Variants in BABAM2 observed in about 807,000 individuals in gnomAD.
BABAM2 encodes BRISC and BRCA1-A complex member 2.
In BABAM2, 31 loss-of-function variants were observed where a neutral mutation model predicts 54.7. The ratio of observed to expected loss-of-function variants is 0.57; its 90% CI spans 0.43 to 0.77. The LOEUF is 0.77. Ranked by LOEUF, BABAM2 falls within the 30% of genes least tolerant of loss-of-function variation. BABAM2 has a pLI of 0.00. For missense variants in BABAM2, 364 were observed against 455.8 expected, an observed-to-expected ratio of 0.80 and a Z score of 1.83; for synonymous variants, 167 against 162.9, an observed-to-expected ratio of 1.03 and a Z score of -0.19.
chr2:27,964,023 T>C (rs1176164251), intron 3 of BABAM2, among the ~76,000 whole-genome samples: 1 of 152,240 alleles, frequency 6.6e-6, no homozygotes, highest in Non-Finnish European at 1.5e-5. Flanking sequence ...TTGTCTTCAA[T>C]GTAGTGCTGT....
At chr2:28,244,972 G>A (rs1682783265) in intron 10 of BABAM2, 110 bp downstream of exon 10, 7 of 848,004 alleles carry the variant, frequency 8.3e-6, no homozygotes, top group Non-Finnish European at 1.3e-5. Flanking sequence ...TCCTTTTACT[G>A]TAGCGTATAT....
At position 27,992,470 on chromosome 2, in the gene BABAM2, G is replaced by A. The variant is rs552980178; in HGVS notation, c.300+4383G>A. ...TCAATAAATTTTAGGGAGGTAAGAC[G>A]TAGATATCTAAAAGCAAATACAGGT... is the stretch of plus-strand genomic sequence containing the variant. On this transcript the variant is annotated intron_variant, in intron 4 of 11. Transcript: ENST00000379624. Among the ~76,000 whole-genome samples the A allele has an allele frequency of 4.6e-5, 7 of 152,156 alleles. No individual in the cohort carries two copies. The East Asian group carries it at 5.8e-4, about 13-fold the overall frequency.
intron 4 of BABAM2, among the ~76,000 whole-genome samples, chr2:28,004,689 CTT>C (rs139298331): frequency 3.6e-4 from 50 of 140,486 alleles, no homozygotes; most frequent in Non-Finnish European, 3.3e-4. Context: ...TTTAAAGATA[CTT>C]TTTTTTTTTT....
intron 2 of BABAM2, among the ~76,000 whole-genome samples, chr2:27,902,913 G>GTT (rs1287125450): frequency 2.0e-5 from 3 of 151,736 alleles, no homozygotes; most frequent in Non-Finnish European, 4.4e-5. Context: ...GTTTGTGTGT[G>GTT]TGTGTGTGTG....
At chr2:27,908,323 G>C (rs1666333468) in intron 2 of BABAM2, among the ~76,000 whole-genome samples, 1 of 151,980 alleles carries the variant, frequency 6.6e-6, no homozygotes, top group Non-Finnish European at 1.5e-5. Context: ...CCAGTTTGGA[G>C]TGCAGTGATA....
rs1432996998 is a variant in BABAM2, at chr2:28,216,222, G to C, written c.681-20980G>C. Among the ~76,000 whole-genome samples the C allele has an allele frequency of 2.6e-5, 4 of 152,086 alleles. No homozygotes were observed. The East Asian group carries it at 7.7e-4, about 29-fold the overall frequency. Reference sequence around the variant, plus strand: ...TTTCTATTATTTTCTCAGTGCAAATGTACAGTATTTCTGCCACTTTATGAA... The same window carrying C: ...TTTCTATTATTTTCTCAGTGCAAATCTACAGTATTTCTGCCACTTTATGAA... On this transcript the variant is annotated intron_variant, in intron 7 of 11. Coordinates refer to ENST00000379624, the MANE Select transcript of BABAM2 (RefSeq NM_199191.3).
chr2:28,075,205 G>T (rs894668030), intron 6 of BABAM2, among the ~76,000 whole-genome samples: 2 of 152,144 alleles, frequency 1.3e-5, no homozygotes, highest in African/African-American at 2.4e-5. Context: ...CTTTTTCCTT[G>T]ATCACAATGG....
chr2:28,119,830 G>T (rs1429808722), intron 6 of BABAM2, among the ~76,000 whole-genome samples: 1 of 152,122 alleles, frequency 6.6e-6, no homozygotes, highest in Non-Finnish European at 1.5e-5. Flanking sequence ...GCTCTGTCCT[G>T]GTGTCCTGGG....
At chr2:28,284,940 C>T (rs544649634) in intron 10 of BABAM2, among the ~76,000 whole-genome samples, 9 of 152,212 alleles carry the variant, frequency 5.9e-5, no homozygotes, top group African/African-American at 2.2e-4. Context: ...TGTAAACCAT[C>T]CAGGAGCCTT....
intron 6 of BABAM2, among the ~76,000 whole-genome samples, chr2:28,078,320 G>C (rs1224134924): frequency 1.4e-5 from 2 of 139,304 alleles, no homozygotes; most frequent in African/African-American, 2.6e-5. Flanking sequence ...GAATTAAGTT[G>C]ACCCTTATTT....
chr2:28,332,919 C>G (rs1691089902), intron 11 of BABAM2, among the ~76,000 whole-genome samples: 1 of 152,206 alleles, frequency 6.6e-6, no homozygotes, highest in Non-Finnish European at 1.5e-5. Flanking sequence ...CCATCTCTGC[C>G]TGCGATTGCC....
intron 5 of BABAM2, among the ~76,000 whole-genome samples, chr2:28,039,690 C>G (rs1202856335): frequency 6.6e-6 from 1 of 152,252 alleles, no homozygotes; most frequent in Non-Finnish European, 1.5e-5. Context: ...AAATGTCTAC[C>G]TGTCACTTCT....
At chr2:28,135,960 A>G (rs1670498210) in intron 7 of BABAM2, among the ~76,000 whole-genome samples, 1 of 152,130 alleles carries the variant, frequency 6.6e-6, no homozygotes, top group Admixed American at 6.5e-5. Flanking sequence ...GTCCTTGCTG[A>G]GAAGCTTCAA....
At chr2:28,049,140 T>C (rs1052856998) in intron 6 of BABAM2, among the ~76,000 whole-genome samples, 3 of 152,330 alleles carry the variant, frequency 2.0e-5, no homozygotes, top group African/African-American at 7.2e-5. Context: ...AAATATGATG[T>C]GTGTTTGAAT....
chr2:28,271,372 A>T (rs1038327542), intron 10 of BABAM2, among the ~76,000 whole-genome samples: 1 of 152,208 alleles, frequency 6.6e-6, no homozygotes, highest in African/African-American at 2.4e-5. Context: ...TCCTTCAAGG[A>T]TTCCCCAGCC....
chr2:27,988,046 G>A lies in BABAM2; in HGVS notation c.259G>A (p.Gly87Arg), dbSNP rs774107402. 6.2e-7 allele frequency: 1 copy of A among 1,613,678 alleles called. No individual in the cohort carries two copies. Among genetic ancestry groups the A allele is most frequent in the South Asian group, 1.1e-5 (1 of 91,076 alleles). ...YPELPPDFIFGEDAEFLPDPS... is the reference protein window; with the variant it reads ...YPELPPDFIFREDAEFLPDPS... ...AGAACTGCCTCCCGATTTTATCTTTGGAGAAGATGCTGAATTCCTGCCAGA... is the reference window on the plus strand; with the variant it reads ...AGAACTGCCTCCCGATTTTATCTTTAGAGAAGATGCTGAATTCCTGCCAGA... The change falls in exon 4 of 12, where the codon GGA becomes AGA. Residue 87 changes from glycine to arginine, a missense_variant. By Grantham distance (125) the Gly-to-Arg change is moderately radical (BLOSUM62 -2). Transcript: ENST00000379624.
At chr2:28,056,602 A>T (rs1678446192) in intron 6 of BABAM2, among the ~76,000 whole-genome samples, 1 of 152,170 alleles carries the variant, frequency 6.6e-6, no homozygotes, top group African/African-American at 2.4e-5. Flanking sequence ...ATTTAAGTAC[A>T]GTCTATTCTT....
chr2:28,136,036 A>G (rs981733771), intron 7 of BABAM2, among the ~76,000 whole-genome samples: 1 of 152,168 alleles, frequency 6.6e-6, no homozygotes, highest in African/African-American at 2.4e-5. Context: ...TCCGTGTTAC[A>G]GTCCTGTTCA....
At position 27,941,061 on chromosome 2, in the gene BABAM2, T is replaced by C. The variant is rs189874585; in HGVS notation, c.205+11153T>C. Among the ~76,000 whole-genome samples the C allele has an allele frequency of 4.6e-5, 7 of 152,218 alleles. No individual in the cohort carries two copies. In the East Asian group the frequency reaches 9.7e-4, roughly 21 times the overall value. ...TAAATTCCTGGGAGAGAGGATCTGA[T>C]TGGCAGCTTGGGCCAAGTGACCACT... On this transcript the variant is annotated intron_variant, in intron 3 of 11. Transcript: ENST00000379624.
Sources: gnomAD v4.1 joint callset for allele counts (sites outside exome capture counted in the v4.1 genomes callset) on GRCh38, gnomAD v4.1.1 for gene constraint, MANE v1.5 for transcripts, NCBI Gene and HGNC (gene_info 2026-07-23, HGNC 2026-07-21) for gene names.